Variants in TIAM2 observed in about 807,000 individuals in gnomAD.
TIAM2 encodes rho guanine nucleotide exchange factor TIAM2.
A neutral mutation model predicts 152.9 loss-of-function variants in TIAM2; 80 were observed. That is an observed-to-expected ratio of 0.52 (90% CI 0.44 to 0.63). The LOEUF (loss-of-function observed/expected upper bound fraction) is 0.63, where lower values mean the gene tolerates loss of function less well. Ranked by LOEUF, TIAM2 falls within the 30% of genes least tolerant of loss-of-function variation. TIAM2 has a pLI of 0.00. For missense variants in TIAM2, 1,965 were observed against 2,120.1 expected, an observed-to-expected ratio of 0.93 and a Z score of 1.44; for synonymous variants, 804 against 838.0, an observed-to-expected ratio of 0.96 and a Z score of 0.70.
At chr6:155,246,928 C>T (rs1408510913) in intron 19 of TIAM2, among the ~76,000 whole-genome samples, 1 of 152,246 alleles carries the variant, frequency 6.6e-6, no homozygotes, top group Non-Finnish European at 1.5e-5. Flanking sequence ...CATCCAGTGC[C>T]AACTGGTGGA....
At chr6:155,177,192 C>G (rs150342893) in intron 10 of TIAM2, among the ~76,000 whole-genome samples, 12 of 152,218 alleles carry the variant, frequency 7.9e-5, no homozygotes, top group African/African-American at 2.9e-4. Flanking sequence ...AGGTCATGAT[C>G]CCACACTTCC....
intron 1 of TIAM2, among the ~76,000 whole-genome samples, chr6:155,027,429 T>C (rs964387857): frequency 1.0e-5 from 1 of 100,312 alleles, no homozygotes; most frequent in African/African-American, 4.2e-5. Context: ...GTTACATATA[T>C]ACTATATATA....
chr6:155,245,753 T>G, intron 19 of TIAM2, 22 bp downstream of exon 19: 1 of 1,353,874 alleles, frequency 7.4e-7, no homozygotes, highest in Non-Finnish European at 9.7e-7. Flanking sequence ...ATGCCTTTTA[T>G]AGTTTTTTTT....
intron 1 of TIAM2, among the ~76,000 whole-genome samples, chr6:155,011,383 A>G (rs969108681): frequency 6.7e-6 from 1 of 149,134 alleles, no homozygotes; most frequent in African/African-American, 2.5e-5. Context: ...TTCCATTTAT[A>G]ATCCTAATGA....
chr6:155,159,030 T>TA (rs1780196503), intron 7 of TIAM2, among the ~76,000 whole-genome samples: 1 of 152,156 alleles, frequency 6.6e-6, no homozygotes, highest in Non-Finnish European at 1.5e-5. Flanking sequence ...ATCTCTAAAC[T>TA]AACATACATA....
chr6:155,100,381 C>T (rs1009774774), intron 2 of TIAM2, among the ~76,000 whole-genome samples: 4 of 152,072 alleles, frequency 2.6e-5, no homozygotes, highest in African/African-American at 9.7e-5. Context: ...GGTGGGGGAT[C>T]TTTAAGCAGA....
intron 2 of TIAM2, among the ~76,000 whole-genome samples, chr6:155,106,220 G>C (rs993169653): frequency 3.7e-4 from 56 of 151,944 alleles, no homozygotes; most frequent in African/African-American, 1.3e-3. Context: ...GGTCAGGCTG[G>C]TTCCGAACTC....
intron 1 of TIAM2, among the ~76,000 whole-genome samples, chr6:155,054,600 G>C (rs1777400420): frequency 6.7e-6 from 1 of 148,198 alleles, no homozygotes; most frequent in Non-Finnish European, 1.5e-5. Flanking sequence ...TTTTTTTTTT[G>C]AGACGGAGTC....
At chr6:155,168,927 C>T (rs1319001354) in intron 9 of TIAM2, 17 of 1,525,650 alleles carry the variant, frequency 1.1e-5, no homozygotes, top group Non-Finnish European at 1.5e-5. Context: ...GTAAACTTTG[C>T]TATAGATGGC....
At chr6:155,172,672 ATATATATATATATATTTTTTTTTTTTTT>A (rs1316716736) in intron 9 of TIAM2, among the ~76,000 whole-genome samples, 11 of 12,470 alleles carry the variant, frequency 8.8e-4, no homozygotes, top group African/African-American at 3.7e-3. Context: ...ATATATATAT[ATATATATATATATATTTTTTTTTTTTTT>A]TTTTTTTTTT....
At position 155,213,447 on chromosome 6, in the gene TIAM2, C is replaced by T. The variant is rs530875756; in HGVS notation, c.3168+2140C>T. Among the ~76,000 whole-genome samples, 1 of 152,274 alleles carries T rather than the reference C, an allele frequency of 6.6e-6. No homozygotes were observed. Among genetic ancestry groups the T allele is most frequent in the Admixed American group, 6.5e-5 (1 of 15,298 alleles). ...GAGACCCTGGAGTAGCTCCTCTCCT[C>T]AGCTGGTTGTCTCATTGTCTCTTTG... On this transcript the variant is annotated intron_variant, in intron 15 of 26. Transcript: ENST00000682666. This position sits in a 1 kb window ranked among gnomAD's most constrained non-coding sequence, Gnocchi z 4.2.
At chr6:155,217,646 G>T (rs1011971009) in intron 15 of TIAM2, among the ~76,000 whole-genome samples, 1 of 152,182 alleles carries the variant, frequency 6.6e-6, no homozygotes, top group South Asian at 2.1e-4. Flanking sequence ...CTTTGTGGAA[G>T]AATTTTATGT....
At chr6:155,217,366 C>T (rs1246763864) in intron 15 of TIAM2, among the ~76,000 whole-genome samples, 5 of 152,178 alleles carry the variant, frequency 3.3e-5, no homozygotes, top group African/African-American at 1.2e-4. Context: ...TTAACTTCAT[C>T]TCCGAAATAG....
chr6:155,165,485 A>G (rs1780404492), intron 9 of TIAM2, 76 bp downstream of exon 9: 2 of 1,526,152 alleles, frequency 1.3e-6, no homozygotes, highest in Non-Finnish European at 8.8e-7. Flanking sequence ...GCTATGAATC[A>G]TCAATGTTCA....
chr6:155,225,585 C>T (rs1238895033), intron 15 of TIAM2, among the ~76,000 whole-genome samples: 1 of 152,176 alleles, frequency 6.6e-6, no homozygotes, highest in East Asian at 1.9e-4. Context: ...CTCTAGATCC[C>T]CAGCTCTTCT....
At chr6:155,202,886 A>G (rs1214358890) in intron 14 of TIAM2, among the ~76,000 whole-genome samples, 5 of 109,396 alleles carry the variant, frequency 4.6e-5, no homozygotes, top group Non-Finnish European at 1.1e-4. Flanking sequence ...AAAAATACAA[A>G]AAAAAAAAAA....
chr6:155,118,435 CTTT>C (rs869154446), intron 2 of TIAM2, among the ~76,000 whole-genome samples: 1 of 34,840 alleles, frequency 2.9e-5, no homozygotes, highest in South Asian at 1.2e-3. Flanking sequence ...TTTTCTTTTT[CTTT>C]TTTTTTTTTT....
chr6:155,027,622 TTACA>T (rs1472576224), intron 1 of TIAM2, among the ~76,000 whole-genome samples: 16 of 53,458 alleles, frequency 3.0e-4, no homozygotes, highest in African/African-American at 9.6e-4. Context: ...ATGTACTGTG[TTACA>T]TATATACTAT....
chr6:155,211,696 G>A (rs925640615), intron 15 of TIAM2, among the ~76,000 whole-genome samples: 1 of 150,170 alleles, frequency 6.7e-6, no homozygotes, highest in Non-Finnish European at 1.5e-5. Context: ...TTTTTGGAAT[G>A]TTGTCATTTT....
Sources: gnomAD v4.1 joint callset for allele counts (sites outside exome capture counted in the v4.1 genomes callset) on GRCh38, gnomAD v4.1.1 for gene constraint, Gnocchi (gnomAD v3.1) non-coding constraint, MANE v1.5 for transcripts, NCBI Gene and HGNC (gene_info 2026-07-23, HGNC 2026-07-21) for gene names.